ZNF571: variants seen among roughly 807,000 people sequenced by gnomAD.
The protein encoded by ZNF571 is zinc finger protein 571.
ZNF571 carries 4 observed loss-of-function variants against 7.7 expected under a neutral mutation model. That is an observed-to-expected ratio of 0.52 (90% CI 0.25 to 1.18). The LOEUF (loss-of-function observed/expected upper bound fraction) is 1.18, where lower values mean the gene tolerates loss of function less well. ZNF571 is among the 50% of genes most tolerant of loss of function. ZNF571 has a pLI of 0.14. For synonymous variants in ZNF571, 251 were observed against 232.4 expected (o/e 1.08, Z -0.73); for missense variants, 704 against 726.9 (o/e 0.97, Z 0.36).
At position 37,566,178 on chromosome 19, in the gene ZNF571, T is replaced by C. The variant is rs746416785; in HGVS notation, c.250A>G (p.Asn84Asp). 7 of 1,614,010 alleles carry C rather than the reference T, an allele frequency of 4.3e-6. No homozygotes were observed. The South Asian group carries it at 5.5e-5, about 13-fold the overall frequency. ...GKRINHHLQY[N>D]GLGDNMECKG... The stretch of plus-strand genomic sequence containing the variant: ...CACTCCATATTGTCTCCAAGACCAT[T>C]GTATTGAAGGTGATGGTTGATACGT... The change falls in exon 4 of 4, where the codon AAT becomes GAT. Residue 84 changes from asparagine to aspartate, a missense_variant. By Grantham distance (23) the Asn-to-Asp change is conservative. Coordinates refer to ENST00000451802, the MANE Select transcript of ZNF571 (RefSeq NM_016536.5).
chr19:37,584,486 A>T (rs1308911444), intron 2 of ZNF571, among the ~76,000 whole-genome samples: 5 of 152,232 alleles, frequency 3.3e-5, no homozygotes, highest in Admixed American at 6.5e-5. Context: ...AAATACTTTT[A>T]AAAAGATGAA....
In ZNF571 at chr19:37,564,675, G is replaced by A. The variant is rs1201271797; in HGVS notation, c.1753C>T (p.Pro585Ser). 7 of 1,613,346 alleles carry A rather than the reference G, an allele frequency of 4.3e-6. No homozygotes were observed. Among genetic ancestry groups the A allele is most frequent in the Non-Finnish European group, 5.9e-6 (7 of 1,179,596 alleles). Residue 585 changes from proline to serine, a missense_variant, in exon 4 of 4, where the codon CCC becomes TCC. Pro to Ser is a moderately conservative substitution (Grantham distance 74). Transcript: ENST00000451802. ...TTACCACACTGGACACATGTATAGGGTTTCTCACCAGTATGGATCCTTTGA... is the reference window on the plus strand; with the variant it reads ...TTACCACACTGGACACATGTATAGGATTTCTCACCAGTATGGATCCTTTGA... ...LHQRIHTGEK[P>S]YTCVQCGKDF...
intron 3 of ZNF571, chr19:37,566,498 T>A: frequency 1.8e-6 from 1 of 551,666 alleles, no homozygotes; most frequent in Non-Finnish European, 3.0e-6. Flanking sequence ...ATTAGAAAAA[T>A]AGGTTAAGTC....
intron 3 of ZNF571, among the ~76,000 whole-genome samples, chr19:37,567,084 A>T (rs1020484928): frequency 2.6e-5 from 4 of 152,194 alleles, no homozygotes; most frequent in African/African-American, 9.6e-5. Context: ...AGATACCTGC[A>T]TGGCTTGTTC....
Position 37,578,362 on chromosome 19 carries a change from G to T in ZNF571, c.136+5609C>A, listed in dbSNP as rs1198594210. Among the ~76,000 whole-genome samples, 3 of 152,128 alleles carry T rather than the reference G, an allele frequency of 2.0e-5. No homozygotes were observed. In the East Asian group the frequency reaches 5.8e-4, roughly 29 times the overall value. On this transcript the variant is annotated intron_variant, in intron 3 of 3. Transcript: ENST00000451802. ...TCCCTAACATGGTGAAACGGTGAGAGAGTGAGAGTCCCTGGGGAAGCCACA... is the reference window on the plus strand; with the variant it reads ...TCCCTAACATGGTGAAACGGTGAGATAGTGAGAGTCCCTGGGGAAGCCACA...
rs887582479 is a variant in ZNF571, at chr19:37,565,307, C to G, written c.1121G>C (p.Arg374Pro). Residue 374 changes from arginine (R) to proline (P), a missense_variant, in exon 4 of 4, where the codon CGT becomes CCT. Coordinates refer to ENST00000451802, the MANE Select transcript of ZNF571 (RefSeq NM_016536.5). Reference sequence around the variant, plus strand: ...CAGGTGGTAAGTAAGTTGTGAGCCACGAAAAAAGGTCTTCCCGCATTCTTT... The same window carrying G: ...CAGGTGGTAAGTAAGTTGTGAGCCAGGAAAAAAGGTCTTCCCGCATTCTTT... ...ECKECGKTFF[R>P]GSQLTYHLRV... 5 of 1,609,292 alleles carry G rather than the reference C, an allele frequency of 3.1e-6. No individual in the cohort carries two copies.
chr19:37,590,236 C>T (rs1345254081), intron 1 of ZNF571, among the ~76,000 whole-genome samples: 1 of 151,338 alleles, frequency 6.6e-6, no homozygotes, highest in Non-Finnish European at 1.5e-5. Flanking sequence ...GAAACCCTGT[C>T]TCTAGTAAAA....
intron 3 of ZNF571, chr19:37,583,417 G>A (rs1363044267): frequency 2.0e-5 from 3 of 152,324 alleles, no homozygotes; most frequent in Non-Finnish European, 4.4e-5. Context: ...TGGCAAATGG[G>A]AGTTGGGAGG....
intron 3 of ZNF571, among the ~76,000 whole-genome samples, chr19:37,577,901 GTAC>G (rs1227499595): frequency 6.6e-6 from 1 of 152,154 alleles, no homozygotes; most frequent in Non-Finnish European, 1.5e-5. Context: ...GCCACAGACC[GTAC>G]TGTTTGGCAG....
chr19:37,591,216 C>G (rs2043859236), intron 1 of ZNF571, among the ~76,000 whole-genome samples: 1 of 152,184 alleles, frequency 6.6e-6, no homozygotes, highest in African/African-American at 2.4e-5. Context: ...AATCAGAACT[C>G]CTTAGAGAAA....
At chr19:37,576,307 A>T (rs1194297634) in intron 3 of ZNF571, among the ~76,000 whole-genome samples, 3 of 152,220 alleles carry the variant, frequency 2.0e-5, no homozygotes, top group Middle Eastern at 3.2e-3. Flanking sequence ...ATGAGTTCAT[A>T]TAACTCTATA....
chr19:37,565,197 T>G lies in ZNF571; in HGVS notation c.1231A>C (p.Arg411=), dbSNP rs1568339807. 2 of 1,613,528 alleles carry G rather than the reference T, an allele frequency of 1.2e-6. No homozygotes were observed. Among genetic ancestry groups the G allele is most frequent in the Non-Finnish European group, 1.7e-6 (2 of 1,179,868 alleles). ...ISNSNLIQHQ[R]IHTGEKPYKC... The stretch of plus-strand genomic sequence containing the variant: ...TAGGGCTTCTCTCCGGTATGAATTC[T>G]TTGATGTTGAATAAGATTAGAATTA... The change falls in exon 4 of 4, where the codon AGA becomes CGA. Residue 411 remains arginine (R), a synonymous_variant. Transcript: ENST00000451802.
chr19:37,567,046 A>G (rs2042886115), intron 3 of ZNF571, among the ~76,000 whole-genome samples: 1 of 152,238 alleles, frequency 6.6e-6, no homozygotes, highest in Admixed American at 6.5e-5. Context: ...ATATGCCTAC[A>G]GTTTTGTCTT....
rs760232408 is a variant in ZNF571, at chr19:37,564,617, T to C, written c.1811A>G (p.His604Arg). ...GCTTTCTCAATTATGAAGCCTTGTA[T>C]GTTGAGTAAGTTGTGAAGGACATCT... ...DFRCPSQLTQ[H>R]TRLHN Residue 604 changes from histidine to arginine, a missense_variant, in exon 4 of 4, where the codon CAT (histidine) becomes CGT (arginine). Coordinates refer to ENST00000451802, the MANE Select transcript of ZNF571 (RefSeq NM_016536.5). 6.5e-6 allele frequency: 10 copies of C among 1,543,614 alleles called. No individual in the cohort carries two copies. The East Asian group carries it at 2.3e-4, about 35-fold the overall frequency.
intron 3 of ZNF571, among the ~76,000 whole-genome samples, chr19:37,583,098 C>T (rs2043531723): frequency 1.3e-5 from 2 of 152,182 alleles, no homozygotes; most frequent in South Asian, 2.1e-4. Flanking sequence ...ACAAGTGAAG[C>T]TCAGTTTCTC....
intron 3 of ZNF571, among the ~76,000 whole-genome samples, chr19:37,578,480 T>C (rs965508554): frequency 1.3e-5 from 2 of 151,144 alleles, no homozygotes; most frequent in Non-Finnish European, 3.0e-5. Flanking sequence ...CCACCTAGAG[T>C]TTTTGCAGAG....
In ZNF571 at chr19:37,565,597, T is replaced by G. The variant is rs1222861837; in HGVS notation, c.831A>C (p.Lys277Asn). 1.9e-6 allele frequency: 3 copies of G among 1,613,200 alleles called. No homozygotes were observed. The highest frequency in any genetic ancestry group is 2.5e-6 in the Non-Finnish European group (3 of 1,179,784). Residue 277 changes from lysine (K) to asparagine (N), a missense_variant, in exon 4 of 4, where the codon AAA (lysine) becomes AAC (asparagine). Lys to Asn is a moderately conservative substitution (Grantham distance 94). Coordinates refer to ENST00000451802, the MANE Select transcript of ZNF571 (RefSeq NM_016536.5). ...TLHQRIHSGE[K>N]PYECKDCGKA... Reference sequence around the variant, plus strand: ...TCCCACAATCCTTACATTCATAGGGTTTTTCACCACTATGAATTCTCTGAT... The same window carrying G: ...TCCCACAATCCTTACATTCATAGGGGTTTTCACCACTATGAATTCTCTGAT...
Position 37,566,220 on chromosome 19 carries a change from A to G in ZNF571, c.208T>C (p.Trp70Arg), listed in dbSNP as rs774505269. 3.7e-6 allele frequency: 6 copies of G among 1,613,644 alleles called. No individual in the cohort carries two copies. The East Asian group carries it at 1.3e-4, about 36-fold the overall frequency. Residue 70 changes from tryptophan to arginine, a missense_variant, in exon 4 of 4, where the codon TGG becomes CGG. By Grantham distance (101) the Trp-to-Arg change is moderately radical. Coordinates refer to ENST00000451802, the MANE Select transcript of ZNF571 (RefSeq NM_016536.5). ...KEIYEMESLQWENMGKRINHH... is the reference protein window; with the variant it reads ...KEIYEMESLQRENMGKRINHH... ...TTGATACGTTTCCCCATATTCTCCC[A>G]CTGGAGTGATTCCATTTCATAAATT...
chr19:37,580,173 G>T lies in ZNF571; in HGVS notation c.136+3798C>A, dbSNP rs16974061. ...ACCCTACATGGAGGTAATACTAAAT[G>T]ATCTCCAGCTATATTATCAGGTTTA... On this transcript the variant is annotated intron_variant, in intron 3 of 3. Coordinates refer to ENST00000451802, the MANE Select transcript of ZNF571 (RefSeq NM_016536.5). 6.7e-3 allele frequency among the ~76,000 whole-genome samples: 1,027 copies of T among 152,286 alleles called. 32 individuals carry two copies. The highest frequency in any genetic ancestry group is 0.051 in the East Asian group (263 of 5,178).
Sources: gnomAD v4.1 joint callset for allele counts (sites outside exome capture counted in the v4.1 genomes callset) on GRCh38, gnomAD v4.1.1 for gene constraint, MANE v1.5 for transcripts, NCBI Gene and HGNC (gene_info 2026-07-23, HGNC 2026-07-21) for gene names.